Variants in SH3RF2 observed in about 807,000 individuals in gnomAD.
SH3RF2 encodes SH3 domain containing ring finger 2, also known as E3 ubiquitin-protein ligase SH3RF2.
SH3RF2 carries 43 observed loss-of-function variants against 59.0 expected under a neutral mutation model. The observed-to-expected ratio is 0.73, with a 90% CI of 0.57 to 0.94. SH3RF2 has a LOEUF of 0.94. Ranked by LOEUF, SH3RF2 falls within the 40% of genes least tolerant of loss-of-function variation. The pLI, the probability that SH3RF2 is intolerant of heterozygous loss-of-function variation, is 0.00. For missense variants in SH3RF2, 930 were observed against 940.1 expected (o/e 0.99, Z 0.14); for synonymous variants, 391 against 391.5 (o/e 1.00, Z 0.01).
intron 7 of SH3RF2, among the ~76,000 whole-genome samples, chr5:146,052,883 C>T (rs1405598925): frequency 2.0e-5 from 3 of 152,280 alleles, no homozygotes; most frequent in African/African-American, 7.2e-5. Context: ...GCTACATGTG[C>T]TAGGCCCCTT....
In SH3RF2 at chr5:145,962,187, G is replaced by A. The variant is rs566185433; in HGVS notation, c.378+23881G>A. 2.3e-4 allele frequency among the ~76,000 whole-genome samples: 35 copies of A among 152,232 alleles called. No homozygotes were observed. In the South Asian group the frequency reaches 5.8e-3, roughly 25 times the overall value. ...GAATAGTCTGATTGGTTGGACCTCG[G>A]TCATGTGGCCACCCCTAAAGCCAGA... On this transcript the variant is annotated intron_variant, in intron 2 of 9. Coordinates refer to ENST00000359120, the MANE Select transcript of SH3RF2 (RefSeq NM_152550.4).
chr5:145,958,160 G>A (rs1320282560), intron 2 of SH3RF2, among the ~76,000 whole-genome samples: 1 of 152,010 alleles, frequency 6.6e-6, no homozygotes, highest in African/African-American at 2.4e-5. Flanking sequence ...ACCTGTGTTT[G>A]AATCCAGGTC....
intron 5 of SH3RF2, among the ~76,000 whole-genome samples, chr5:146,046,301 T>C (rs1259227552): frequency 6.6e-6 from 1 of 152,198 alleles, no homozygotes; most frequent in East Asian, 1.9e-4. Flanking sequence ...TACATTAAAT[T>C]GCCATGGGCC....
At chr5:146,071,437 A>G (rs1763239111) in intron 9 of SH3RF2, among the ~76,000 whole-genome samples, 1 of 152,248 alleles carries the variant, frequency 6.6e-6, no homozygotes, top group Non-Finnish European at 1.5e-5. Context: ...AGGGAAGGCT[A>G]ATTTTAGATA....
intron 2 of SH3RF2, among the ~76,000 whole-genome samples, chr5:145,968,583 T>C (rs1315628176): frequency 6.6e-6 from 1 of 152,206 alleles, no homozygotes; most frequent in East Asian, 1.9e-4. Context: ...ATTTTAAATT[T>C]TGAGTAGCCA....
chr5:146,062,241 G>A (rs1207544932), intron 9 of SH3RF2, among the ~76,000 whole-genome samples, 185 bp from the exon 10 acceptor site: 2 of 152,164 alleles, frequency 1.3e-5, no homozygotes, highest in African/African-American at 4.8e-5. Flanking sequence ...ACTTCCAGCT[G>A]AAGTTAGATG....
chr5:145,965,156 G>A (rs1758810351), intron 2 of SH3RF2, among the ~76,000 whole-genome samples: 1 of 151,810 alleles, frequency 6.6e-6, no homozygotes, highest in Admixed American at 6.6e-5. Flanking sequence ...TCGCGCCACT[G>A]CACTCCAGCC....
At chr5:146,066,946 T>C (rs576009048), downstream of SH3RF2, among the ~76,000 whole-genome samples, 31 of 152,210 alleles carry the variant, frequency 2.0e-4, no homozygotes, top group South Asian at 5.2e-3. Flanking sequence ...TAGGATTTGA[T>C]TGGGGGAAAA....
chr5:146,072,116 CAT>C (rs1763251661), intron 9 of SH3RF2, among the ~76,000 whole-genome samples: 1 of 152,180 alleles, frequency 6.6e-6, no homozygotes, highest in African/African-American at 2.4e-5. Context: ...ACTCTGGAGT[CAT>C]ATATCCCTGG....
chr5:146,064,384 A>T (rs1762994577), downstream of SH3RF2, among the ~76,000 whole-genome samples: 1 of 151,980 alleles, frequency 6.6e-6, no homozygotes, highest in South Asian at 2.1e-4. Context: ...GAGCCTTGTA[A>T]TCAGGGTAGA....
In SH3RF2 at chr5:146,016,418, CATAG is replaced by C. The variant is rs550396310; in HGVS notation, c.1059+2361_1059+2364del. 4.8e-3 allele frequency among the ~76,000 whole-genome samples: 717 copies of C among 150,244 alleles called. 4 individuals carry two copies. The highest frequency in any genetic ancestry group is 8.0e-3 in the Non-Finnish European group (538 of 67,092). ...TGGATGGATGGATAGATGATTGATA[CATAG>C]ATAAATAGATAGATAGATAAATAGA... is the stretch of plus-strand genomic sequence containing the variant. On this transcript the variant is annotated intron_variant, in intron 5 of 9. Transcript: ENST00000359120.
At chr5:146,072,293 G>A (rs994340009) in intron 9 of SH3RF2, among the ~76,000 whole-genome samples, 1 of 152,180 alleles carries the variant, frequency 6.6e-6, no homozygotes, top group Non-Finnish European at 1.5e-5. Flanking sequence ...ATGCAGAAAG[G>A]GACCCAGAAG....
chr5:146,064,586 GGA>G (rs70998047), downstream of SH3RF2, among the ~76,000 whole-genome samples: 7 of 41,460 alleles, frequency 1.7e-4, no homozygotes, highest in African/African-American at 8.1e-4. Context: ...GAAGGAAGGG[GGA>G]GAGAGAGAGA....
At chr5:145,959,643 G>A (rs940403062) in intron 2 of SH3RF2, among the ~76,000 whole-genome samples, 1 of 148,200 alleles carries the variant, frequency 6.7e-6, no homozygotes, top group African/African-American at 2.6e-5. Flanking sequence ...GTGTGTGTGT[G>A]TGTGTATGTG....
chr5:146,017,636 A>G (rs1761155625), intron 5 of SH3RF2, among the ~76,000 whole-genome samples: 1 of 152,068 alleles, frequency 6.6e-6, no homozygotes, highest in Admixed American at 6.6e-5. Context: ...CTATGCAACT[A>G]GAAAGCTCTT....
chr5:146,053,326 A>G (rs1360746002), intron 7 of SH3RF2, among the ~76,000 whole-genome samples: 1 of 152,114 alleles, frequency 6.6e-6, no homozygotes, highest in East Asian at 1.9e-4. Flanking sequence ...CTCAGGTTAT[A>G]TAGAACATTT....
intron 3 of SH3RF2, among the ~76,000 whole-genome samples, chr5:146,001,485 C>T (rs576157189): frequency 2.6e-5 from 4 of 152,308 alleles, no homozygotes; most frequent in African/African-American, 9.6e-5. Flanking sequence ...CAGAGCGAGA[C>T]TCCTAAGGAA....
At chr5:146,062,383 C>G in intron 9 of SH3RF2, 43 bp from the exon 10 acceptor site, 3 of 1,593,186 alleles carry the variant, frequency 1.9e-6, no homozygotes, top group Non-Finnish European at 2.6e-6. Context: ...AAATAGACAT[C>G]TCCCACCTCA....
At chr5:146,021,540 C>A (rs1417256139) in intron 5 of SH3RF2, among the ~76,000 whole-genome samples, 1 of 152,152 alleles carries the variant, frequency 6.6e-6, no homozygotes, top group African/African-American at 2.4e-5. Context: ...CCCATAGTGC[C>A]TTTTATAGGG....
Sources: allele counts gnomAD v4.1 joint callset (sites outside exome capture counted in the v4.1 genomes callset), GRCh38; gene constraint gnomAD v4.1.1; transcripts MANE v1.5; gene names NCBI Gene and HGNC (gene_info 2026-07-23, HGNC 2026-07-21).